CHRDL1: variants seen among roughly 807,000 people sequenced by gnomAD.
The protein encoded by CHRDL1 is chordin-like protein 1.
CHRDL1 carries 19 observed loss-of-function variants against 40.9 expected under a neutral mutation model. The ratio of observed to expected loss-of-function variants is 0.46; its 90% CI spans 0.32 to 0.68. The LOEUF is 0.68. Ranked by LOEUF, CHRDL1 falls within the 30% of genes least tolerant of loss-of-function variation. The probability of loss-of-function intolerance (pLI) is 0.03; values close to 1 mark genes in which losing one functional copy is unlikely to be tolerated. For synonymous variants in CHRDL1, 136 were observed against 123.4 expected, an observed-to-expected ratio of 1.10 and a Z score of -0.68; for missense variants, 329 against 352.1, an observed-to-expected ratio of 0.93 and a Z score of 0.53.
rs2089590695 is a variant in CHRDL1 at position 110,762,873 on chromosome X, C to A, written c.95-66G>T. 7 of 619,016 alleles carry A rather than the reference C, an allele frequency of 1.1e-5. No homozygotes were observed. In the Admixed American group the frequency reaches 1.7e-4, roughly 15 times the overall value. 51.0% of individuals were successfully genotyped at this position (619,016 alleles called of 1,213,427 possible). ...TCAACCAAGTCACAAAATTCAAAAG[C>A]AATCACAAGTTCCATCCATTTTATT... is the stretch of plus-strand genomic sequence containing the variant. On this transcript the variant is annotated intron_variant, in intron 2 of 11. Coordinates refer to ENST00000372042, the MANE Select transcript of CHRDL1 (RefSeq NM_001143981.2).
In CHRDL1 at chrX:110,676,265, A is replaced by G. The variant is rs1476330660; in HGVS notation, c.1343T>C (p.Leu448Ser). 2 of 1,208,114 alleles carry G rather than the reference A, an allele frequency of 1.7e-6. No individual in the cohort carries two copies. The highest frequency in any genetic ancestry group is 3.5e-5 in the African/African-American group (2 of 57,161). ...GCCCTTTTCAGATCTCTCCAGGTAC[A>G]AAACCTTGACTAAATCTTCAAGCTC... ...RTELEDLVKV[L>S]YLERSEKGHC The change falls in exon 12 of 12, where the codon TTG (leucine) becomes TCG (serine). Residue 448 changes from leucine (L) to serine (S), a missense_variant. Coordinates refer to ENST00000372042, the MANE Select transcript of CHRDL1 (RefSeq NM_001143981.2).
At chrX:110,681,960 T>C (rs2148410337) in intron 9 of CHRDL1, among the ~76,000 whole-genome samples, 1 of 111,844 alleles carries the variant, frequency 8.9e-6, no homozygotes, top group South Asian at 3.8e-4. Context: ...AAGTGGACTT[T>C]CATGAGGAAA....
intron 4 of CHRDL1, among the ~76,000 whole-genome samples, chrX:110,735,898 G>T (rs2071255015): frequency 8.9e-6 from 1 of 112,785 alleles, no homozygotes; most frequent in Non-Finnish European, 1.9e-5. Flanking sequence ...GTGACTGAAA[G>T]AGCCCATTGC....
chrX:110,689,747 CTATATATCTATATATCTA>C lies in CHRDL1; in HGVS notation c.779-962_779-945del, dbSNP rs1483170473. Among the ~76,000 whole-genome samples, 15 of 31,256 alleles carry C rather than the reference CTATATATCTATATATCTA, an allele frequency of 4.8e-4. 1 individual carries two copies. The South Asian group carries it at 7.5e-3, about 16-fold the overall frequency. 27.1% of individuals were successfully genotyped at this position (31,256 alleles called of 115,157 possible). ...TATATATCTATATATCTATATATAT[CTATATATCTATATATCTA>C]TATATATCTATATATCTATATATAT... On this transcript the variant is annotated intron_variant, in intron 8 of 11. Transcript: ENST00000372042.
At chrX:110,699,647 C>T (rs774272342) in intron 7 of CHRDL1, among the ~76,000 whole-genome samples, 148 of 112,287 alleles carry the variant, frequency 1.3e-3, no homozygotes, top group African/African-American at 4.6e-3. Flanking sequence ...CATTTATATA[C>T]ATGCACATAC....
At chrX:110,685,545 G>A (rs1386027016) in intron 9 of CHRDL1, among the ~76,000 whole-genome samples, 1 of 112,060 alleles carries the variant, frequency 8.9e-6, no homozygotes, top group East Asian at 2.8e-4. Context: ...TTACAAGCAT[G>A]GGCCACCGCA....
chrX:110,680,168 G>C (rs2069864148), intron 10 of CHRDL1, among the ~76,000 whole-genome samples: 1 of 111,601 alleles, frequency 9.0e-6, no homozygotes, highest in African/African-American at 3.3e-5. Flanking sequence ...CTGTGAACAA[G>C]AGGATATTTA....
At chrX:110,739,056 A>C (rs771106742) in intron 4 of CHRDL1, among the ~76,000 whole-genome samples, 24 of 112,011 alleles carry the variant, frequency 2.1e-4, no homozygotes, top group African/African-American at 6.8e-4. Flanking sequence ...TCCAGAGGCC[A>C]TGTGAATTAT....
At chrX:110,724,904 C>T (rs1169672203) in intron 4 of CHRDL1, among the ~76,000 whole-genome samples, 1 of 112,083 alleles carries the variant, frequency 8.9e-6, no homozygotes, top group African/African-American at 3.2e-5. Flanking sequence ...TCTCCTCTCC[C>T]AGATTTTCCA....
chrX:110,750,972 G>C (rs2089348370), intron 4 of CHRDL1, among the ~76,000 whole-genome samples: 1 of 111,839 alleles, frequency 8.9e-6, no homozygotes, highest in South Asian at 3.7e-4. Flanking sequence ...ACTGCTGCAA[G>C]ATCTTACCCA....
chrX:110,711,553 G>A (rs1205368010), intron 6 of CHRDL1, among the ~76,000 whole-genome samples: 1 of 111,782 alleles, frequency 8.9e-6, no homozygotes, highest in Non-Finnish European at 1.9e-5. Flanking sequence ...AGGAGATGGT[G>A]GTGTTTCTGC....
At chrX:110,699,771 T>G (rs2070473559) in intron 7 of CHRDL1, among the ~76,000 whole-genome samples, 1 of 112,662 alleles carries the variant, frequency 8.9e-6, no homozygotes. Context: ...CGTATTCTTT[T>G]AACAACTGCA....
At position 110,676,249 on chromosome X, in the gene CHRDL1, A is replaced by G; in HGVS notation, c.1359T>C (p.Ser453=). The G allele has an allele frequency of 8.3e-7, 1 of 1,209,283 alleles. No homozygotes were observed. The change falls in exon 12 of 12, where the codon TCT becomes TCC. Residue 453 remains serine (S), a synonymous_variant. Transcript: ENST00000372042. ...DLVKVLYLER[S]EKGHC is the part of the protein sequence containing the mutation. Reference sequence around the variant, plus strand: ...GTCTTGCCTAACAGTGGCCCTTTTCAGATCTCTCCAGGTACAAAACCTTGA... The same window carrying G: ...GTCTTGCCTAACAGTGGCCCTTTTCGGATCTCTCCAGGTACAAAACCTTGA...
At chrX:110,712,420 C>G (rs192106001) in intron 6 of CHRDL1, among the ~76,000 whole-genome samples, 145 of 111,377 alleles carry the variant, frequency 1.3e-3, no homozygotes, top group African/African-American at 4.5e-3. Flanking sequence ...GATCAGCCAG[C>G]CAGCCTAAAG....
At chrX:110,700,558 C>T in intron 7 of CHRDL1, 96 bp downstream of exon 7, 1 of 600,778 alleles carries the variant, frequency 1.7e-6, no homozygotes, top group Admixed American at 2.8e-5. Context: ...AGAAATCGGG[C>T]CTTTTTTTTG....
intron 2 of CHRDL1, among the ~76,000 whole-genome samples, chrX:110,779,611 A>T (rs955581166): frequency 9.0e-6 from 1 of 111,317 alleles, no homozygotes; most frequent in African/African-American, 3.3e-5. Flanking sequence ...GCTTAATAGT[A>T]AGTCTTGAAG....
intron 4 of CHRDL1, among the ~76,000 whole-genome samples, chrX:110,727,733 T>C (rs1439127537): frequency 8.9e-6 from 1 of 112,477 alleles, no homozygotes; most frequent in Non-Finnish European, 1.9e-5. Flanking sequence ...ACTCTCTTGG[T>C]AAGTCTGTGA....
intron 3 of CHRDL1, 117 bp from the exon 4 acceptor site, chrX:110,759,871 A>G (rs1412035404): frequency 1.9e-6 from 1 of 523,767 alleles, no homozygotes; most frequent in Non-Finnish European, 3.5e-6. Flanking sequence ...TGCATTCCCA[A>G]GAAGCTGAAT....
At chrX:110,773,367 CTAAA>C (rs373288358) in intron 2 of CHRDL1, among the ~76,000 whole-genome samples, 16 of 111,801 alleles carry the variant, frequency 1.4e-4, no homozygotes, top group African/African-American at 4.9e-4. Context: ...TTTTTAATCT[CTAAA>C]TAGTTTGGAA....
Sources: allele counts gnomAD v4.1 joint callset (sites outside exome capture counted in the v4.1 genomes callset), GRCh38; gene constraint gnomAD v4.1.1; transcripts MANE v1.5; gene names NCBI Gene and HGNC (gene_info 2026-07-23, HGNC 2026-07-21).